TRHDE: variants seen among roughly 807,000 people sequenced by gnomAD.
TRHDE encodes thyrotropin releasing hormone degrading enzyme.
A neutral mutation model predicts 125.7 loss-of-function variants in TRHDE; 72 were observed. That is an observed-to-expected ratio of 0.57 (90% confidence interval 0.47 to 0.70). TRHDE has a LOEUF of 0.70. TRHDE is among the 30% of genes least tolerant of loss of function. TRHDE has a pLI of 0.00. For synonymous variants in TRHDE, 509 were observed against 509.1 expected, an observed-to-expected ratio of 1.00 and a Z score of 0.00; for missense variants, 1,110 against 1,327.1, an observed-to-expected ratio of 0.84 and a Z score of 2.54.
intron 15 of TRHDE, among the ~76,000 whole-genome samples, chr12:72,628,533 C>T (rs939157487): frequency 1.3e-5 from 2 of 151,782 alleles, no homozygotes; most frequent in African/African-American, 4.8e-5. Flanking sequence ...TTAATTTAAT[C>T]AGTTTGTTTT....
intron 2 of TRHDE, among the ~76,000 whole-genome samples, chr12:72,289,404 C>G (rs759801313): frequency 5.3e-5 from 8 of 152,120 alleles, no homozygotes; most frequent in Non-Finnish European, 8.8e-5. Flanking sequence ...TAAAATCCTT[C>G]TGGTACAGAG....
chr12:72,248,527 T>C (rs1048341264), intron 2 of TRHDE, among the ~76,000 whole-genome samples: 6 of 151,206 alleles, frequency 4.0e-5, no homozygotes, highest in Middle Eastern at 3.5e-3. Flanking sequence ...AATTCCCTCT[T>C]ACATTTTCTG....
intron 1 of TRHDE, among the ~76,000 whole-genome samples, chr12:72,097,968 C>T (rs1003793593): frequency 6.6e-6 from 1 of 152,204 alleles, no homozygotes; most frequent in Non-Finnish European, 1.5e-5. Context: ...TGTTATTTTA[C>T]ATATGGCCTC....
In TRHDE at chr12:72,634,608, G is replaced by A. The variant is rs542461257; in HGVS notation, c.2675+12857G>A. 5.3e-5 allele frequency among the ~76,000 whole-genome samples: 8 copies of A among 151,406 alleles called. No individual in the cohort carries two copies. The East Asian group carries it at 9.8e-4, about 19-fold the overall frequency. ...GCTGGTACGCTGCAACCACTAACTC[G>A]TCATCTAGCATTAGGTATATCTCCC... On this transcript the variant is annotated intron_variant, in intron 15 of 18. Coordinates refer to ENST00000261180, the MANE Select transcript of TRHDE (RefSeq NM_013381.3).
In TRHDE at chr12:72,664,830, G is replaced by A. The variant is rs1477290565; in HGVS notation, c.*1635G>A. 6.6e-6 allele frequency: 1 copy of A among 151,938 alleles called. No homozygotes were observed. The highest frequency in any genetic ancestry group is 1.5e-5 in the Non-Finnish European group (1 of 67,952). 9.4% of individuals were successfully genotyped at this position (151,938 alleles called of 1,614,324 possible). On this transcript the variant is annotated 3_prime_UTR_variant, in exon 19 of 19. Coordinates refer to ENST00000261180, the MANE Select transcript of TRHDE (RefSeq NM_013381.3). ...ATTATTTTAAATTAGTAGAAAAGAG[G>A]AGCTATTTCCGAATCTATAGAATAA... is the stretch of plus-strand genomic sequence containing the variant.
intron 12 of TRHDE, among the ~76,000 whole-genome samples, chr12:72,606,676 T>C (rs955664861): frequency 2.0e-5 from 3 of 152,168 alleles, no homozygotes; most frequent in Non-Finnish European, 4.4e-5. Flanking sequence ...AAATAAGATT[T>C]AGACCCTACT....
chr12:72,609,181 G>GA (rs1179665450), intron 12 of TRHDE, among the ~76,000 whole-genome samples: 1 of 152,152 alleles, frequency 6.6e-6, no homozygotes, highest in Non-Finnish European at 1.5e-5. Flanking sequence ...GATTTTCCAA[G>GA]AAACACATGT....
chr12:72,238,339 T>TTATATA (rs1252345327), intron 2 of TRHDE, among the ~76,000 whole-genome samples: 472 of 21,146 alleles, frequency 0.022, 76 homozygotes, highest in African/African-American at 0.061. Flanking sequence ...TATATACACA[T>TTATATA]TATATATATA....
intron 2 of TRHDE, among the ~76,000 whole-genome samples, chr12:72,261,331 T>G (rs1878946024): frequency 6.6e-6 from 1 of 152,174 alleles, no homozygotes; most frequent in Non-Finnish European, 1.5e-5. Context: ...TTTGAGTAAA[T>G]GAACATTATT....
intron 6 of TRHDE, among the ~76,000 whole-genome samples, chr12:72,517,839 G>C (rs1488745689): frequency 6.6e-6 from 1 of 151,782 alleles, no homozygotes; most frequent in South Asian, 2.1e-4. Flanking sequence ...ATTCTGGTAT[G>C]TTGTGTCTTT....
intron 7 of TRHDE, among the ~76,000 whole-genome samples, chr12:72,561,131 A>C (rs1870156666): frequency 1.3e-5 from 2 of 152,216 alleles, no homozygotes; most frequent in African/African-American, 4.8e-5. Context: ...GCATCTGATT[A>C]AGTGGGAGTT....
chr12:72,251,266 A>G (rs1281120512), intron 2 of TRHDE, among the ~76,000 whole-genome samples: 1 of 152,006 alleles, frequency 6.6e-6, no homozygotes, highest in Non-Finnish European at 1.5e-5. Flanking sequence ...AGGGTCCCTT[A>G]TGTTGCCCTT....
At chr12:72,251,512 G>A (rs116044982) in intron 2 of TRHDE, among the ~76,000 whole-genome samples, 116 of 148,966 alleles carry the variant, frequency 7.8e-4, no homozygotes, top group African/African-American at 2.6e-3. Context: ...TTATTGCTGA[G>A]TTCTACTTCA....
chr12:72,241,397 T>A (rs566677886), intron 2 of TRHDE, among the ~76,000 whole-genome samples: 10 of 152,330 alleles, frequency 6.6e-5, no homozygotes, highest in Admixed American at 2.0e-4. Context: ...AAATGGAATC[T>A]ATATTGTATA....
intron 3 of TRHDE, among the ~76,000 whole-genome samples, chr12:72,413,426 T>C (rs1873596014): frequency 6.7e-6 from 1 of 150,040 alleles, no homozygotes. Flanking sequence ...GAAAAAAGAA[T>C]ATAAAAAATC....
intron 12 of TRHDE, among the ~76,000 whole-genome samples, chr12:72,590,453 T>C (rs957181143): frequency 3.9e-5 from 6 of 151,968 alleles, no homozygotes; most frequent in Non-Finnish European, 5.9e-5. Context: ...TTTAGTCATT[T>C]GGAAACTATC....
intron 2 of TRHDE, among the ~76,000 whole-genome samples, chr12:72,298,180 A>C (rs1461534029): frequency 5.3e-5 from 8 of 152,210 alleles, no homozygotes; most frequent in Non-Finnish European, 2.9e-5. Context: ...AATCTAAAAA[A>C]CAGAACAGTT....
intron 2 of TRHDE, among the ~76,000 whole-genome samples, chr12:72,221,166 A>G (rs1033762969): frequency 6.6e-6 from 1 of 152,082 alleles, no homozygotes; most frequent in Non-Finnish European, 1.5e-5. Flanking sequence ...TTATAAACAG[A>G]CAATACTTTT....
rs373113531 is a variant in TRHDE at position 72,224,146 on chromosome 12, C to G, written n.279+118394C>G. ...TCTATCTATCTATCTATCTATTTAT[C>G]TATGTATGTATGTATGTATGTATCT... On this transcript the variant is annotated intron_variant and non_coding_transcript_variant, in intron 2 of 4. Coordinates refer to the TRHDE transcript ENST00000548156. Among the ~76,000 whole-genome samples the G allele has an allele frequency of 1.5e-3, 71 of 46,408 alleles. No individual in the cohort carries two copies. In the East Asian group the frequency reaches 0.017, roughly 11 times the overall value. 30.4% of individuals were successfully genotyped at this position (46,408 alleles called of 152,430 possible). A position where few individuals can be genotyped will look rare whatever the true frequency, so the allele number is the denominator to read the frequency against.
Sources: gnomAD v4.1 joint callset for allele counts (sites outside exome capture counted in the v4.1 genomes callset) on GRCh38, gnomAD v4.1.1 for gene constraint, MANE v1.5 for transcripts, NCBI Gene and HGNC (gene_info 2026-07-23, HGNC 2026-07-21) for gene names.